Variants in CCDC178 observed in about 807,000 individuals in gnomAD.
CCDC178 encodes coiled-coil domain containing 178.
Under a neutral mutation model 117.4 loss-of-function variants are expected in CCDC178, and 126 were observed. The ratio of observed to expected loss-of-function variants is 1.07; its 90% CI spans 0.93 to 1.24. The LOEUF (loss-of-function observed/expected upper bound fraction) is 1.24, where lower values mean the gene tolerates loss of function less well. Ranked by LOEUF, CCDC178 falls within the 50% of genes most tolerant of loss-of-function variation. The probability of loss-of-function intolerance (pLI) is 0.00; values close to 1 mark genes in which losing one functional copy is unlikely to be tolerated. For synonymous variants in CCDC178, 283 were observed against 313.4 expected (o/e 0.90, Z 1.02); for missense variants, 1,030 against 986.9 (o/e 1.04, Z -0.59).
At chr18:33,409,873 C>G (rs971236771) in intron 3 of CCDC178, among the ~76,000 whole-genome samples, 2 of 152,134 alleles carry the variant, frequency 1.3e-5, no homozygotes, top group Non-Finnish European at 2.9e-5. Flanking sequence ...ACTTGCTCAC[C>G]AAGCACATTT....
chr18:33,325,072 T>C (rs931257060), intron 10 of CCDC178, among the ~76,000 whole-genome samples: 6 of 151,802 alleles, frequency 4.0e-5, no homozygotes, highest in African/African-American at 1.4e-4. Context: ...TCCTATTACA[T>C]AGCAAAATTC....
chr18:33,279,305 C>T (rs932700107), intron 12 of CCDC178, among the ~76,000 whole-genome samples: 1 of 151,886 alleles, frequency 6.6e-6, no homozygotes, highest in African/African-American at 2.4e-5. Context: ...TTCTTATACA[C>T]CAATAACAGA....
chr18:33,364,496 T>C (rs2063172802), intron 6 of CCDC178, among the ~76,000 whole-genome samples: 2 of 152,042 alleles, frequency 1.3e-5, no homozygotes, highest in South Asian at 2.1e-4. Flanking sequence ...TTCTTAAAAA[T>C]AGGAGATACA....
intron 21 of CCDC178, among the ~76,000 whole-genome samples, chr18:32,988,610 T>C (rs1274258131): frequency 1.3e-5 from 2 of 151,856 alleles, no homozygotes; most frequent in Non-Finnish European, 2.9e-5. Flanking sequence ...TAAAAAAATA[T>C]ATAAAGAACA....
chr18:33,413,249 T>G (rs1175192111), intron 2 of CCDC178, among the ~76,000 whole-genome samples: 1 of 152,140 alleles, frequency 6.6e-6, no homozygotes, highest in Non-Finnish European at 1.5e-5. Context: ...TAGACAAAAG[T>G]GCTATGAAAG....
intron 5 of CCDC178, among the ~76,000 whole-genome samples, chr18:33,381,218 T>C (rs906892240): frequency 6.6e-6 from 1 of 152,110 alleles, no homozygotes; most frequent in South Asian, 2.1e-4. Flanking sequence ...TGAACAATAG[T>C]AATAAGAAAA....
chr18:33,043,957 A>G (rs892049611), intron 21 of CCDC178, among the ~76,000 whole-genome samples: 5 of 151,776 alleles, frequency 3.3e-5, no homozygotes, highest in African/African-American at 1.2e-4. Flanking sequence ...ATATTTAAAT[A>G]TATTAAAATA....
At chr18:33,409,652 G>A (rs1568208759) in intron 3 of CCDC178, among the ~76,000 whole-genome samples, 1 of 152,070 alleles carries the variant, frequency 6.6e-6, no homozygotes, top group African/African-American at 2.4e-5. Context: ...ACACAGGACT[G>A]ATAAATTCCT....
In CCDC178 at chr18:33,175,040, TTA is replaced by T. The variant is rs553789512; in HGVS notation, c.2238+36854_2238+36855del. 4.6e-3 allele frequency among the ~76,000 whole-genome samples: 499 copies of T among 109,582 alleles called. 3 individuals carry two copies. Among genetic ancestry groups the T allele is most frequent in the African/African-American group, 0.023 (464 of 20,052 alleles). 71.9% of individuals were successfully genotyped at this position (109,582 alleles called of 152,430 possible). On this transcript the variant is annotated intron_variant, in intron 20 of 22. Transcript: ENST00000383096. ...GCTAATTTTTTATTTTTTTATTTTT[TTA>T]TTTTTTTTGGTATTTTTAGTTGAGA...
At chr18:33,298,284 A>T (rs981551968) in intron 11 of CCDC178, among the ~76,000 whole-genome samples, 2 of 152,216 alleles carry the variant, frequency 1.3e-5, no homozygotes, top group Non-Finnish European at 2.9e-5. Context: ...CACCATGATC[A>T]GGTGGGATTT....
chr18:33,142,734 G>T (rs1222700506), intron 20 of CCDC178, among the ~76,000 whole-genome samples: 1 of 152,082 alleles, frequency 6.6e-6, no homozygotes, highest in Non-Finnish European at 1.5e-5. Context: ...AAAAAAGCAG[G>T]CATTTCACCA....
intron 20 of CCDC178, among the ~76,000 whole-genome samples, chr18:33,153,432 T>TC (rs1326524179): frequency 6.6e-6 from 1 of 151,998 alleles, no homozygotes; most frequent in Admixed American, 6.6e-5. Flanking sequence ...GGAAAGAACC[T>TC]CTTACTAAAC....
At chr18:33,380,902 T>C (rs941843765) in intron 5 of CCDC178, among the ~76,000 whole-genome samples, 1 of 152,196 alleles carries the variant, frequency 6.6e-6, no homozygotes, top group African/African-American at 2.4e-5. Context: ...CCAGAGATAG[T>C]CTTAAAGGGA....
intron 6 of CCDC178, among the ~76,000 whole-genome samples, chr18:33,357,336 T>C (rs978063926): frequency 1.3e-5 from 2 of 152,140 alleles, no homozygotes; most frequent in Non-Finnish European, 2.9e-5. Flanking sequence ...CTTATTGGTT[T>C]ACAGTTGTTT....
rs371800260 is a variant in CCDC178, at chr18:33,385,613, C to T, written c.208+3927G>A. ...TGAACAACCTGCTCCTGAATGACTC[C>T]GGAGTAAATAATGAAATTAAGACAG... On this transcript the variant is annotated intron_variant, in intron 5 of 22. Coordinates refer to ENST00000383096, the MANE Select transcript of CCDC178 (RefSeq NM_001105528.4). Among the ~76,000 whole-genome samples the T allele has an allele frequency of 4.6e-5, 7 of 152,056 alleles. No individual in the cohort carries two copies. The East Asian group carries it at 7.7e-4, about 17-fold the overall frequency.
intron 20 of CCDC178, among the ~76,000 whole-genome samples, chr18:33,148,763 A>C (rs915673149): frequency 6.6e-6 from 1 of 152,180 alleles, no homozygotes; most frequent in Non-Finnish European, 1.5e-5. Flanking sequence ...AGAAACTTAG[A>C]CTTTGAGCTT....
chr18:33,021,451 A>G (rs1221312806), intron 21 of CCDC178, among the ~76,000 whole-genome samples: 1 of 152,168 alleles, frequency 6.6e-6, no homozygotes, highest in South Asian at 2.1e-4. Flanking sequence ...TAATCTCAGC[A>G]CTTTGGGAGG....
chr18:33,326,324 T>A (rs145146694), intron 10 of CCDC178, among the ~76,000 whole-genome samples: 3 of 152,086 alleles, frequency 2.0e-5, no homozygotes, highest in Non-Finnish European at 4.4e-5. Context: ...GATGGGTACA[T>A]AGTGGTGTGG....
chr18:32,979,648 GAA>G (rs373577946), intron 21 of CCDC178, among the ~76,000 whole-genome samples: 3 of 152,174 alleles, frequency 2.0e-5, no homozygotes, highest in Non-Finnish European at 2.9e-5. Flanking sequence ...TCATATATGA[GAA>G]AAGAGTGTCA....
Sources: allele counts gnomAD v4.1 joint callset (sites outside exome capture counted in the v4.1 genomes callset), GRCh38; gene constraint gnomAD v4.1.1; transcripts MANE v1.5; gene names NCBI Gene and HGNC (gene_info 2026-07-23, HGNC 2026-07-21).